CHD6: variants seen among roughly 807,000 people sequenced by gnomAD.
CHD6 encodes ATP-dependent chromatin remodeler CHD6.
Under a neutral mutation model 276.9 loss-of-function variants are expected in CHD6, and 50 were observed. The observed-to-expected ratio is 0.18, with a 90% confidence interval of 0.14 to 0.23. CHD6 has a LOEUF of 0.23. CHD6 is among the 10% of genes least tolerant of loss of function. The pLI, the probability that CHD6 is intolerant of heterozygous loss-of-function variation, is 1.00. For missense variants in CHD6, 2,564 were observed against 3,365.8 expected (o/e 0.76, Z 5.89); for synonymous variants, 1,173 against 1,229.3 (o/e 0.95, Z 0.96).
At chr20:41,454,602 G>C (rs1299709567) in intron 20 of CHD6, 24 bp downstream of exon 20, 3 of 1,534,232 alleles carry the variant, frequency 2.0e-6, no homozygotes, top group Non-Finnish European at 2.7e-6. Context: ...ATGTTCCATG[G>C]AATAAAATAT....
chr20:41,615,267 T>C (rs1347977952), intron 1 of CHD6, among the ~76,000 whole-genome samples: 6 of 151,478 alleles, frequency 4.0e-5, no homozygotes, highest in Admixed American at 1.3e-4. Flanking sequence ...CCCCAGTATC[T>C]GGCTGAGTAC....
At chr20:41,522,810 C>G (rs2044436489) in intron 3 of CHD6, among the ~76,000 whole-genome samples, 1 of 152,138 alleles carries the variant, frequency 6.6e-6, no homozygotes, top group Non-Finnish European at 1.5e-5. Flanking sequence ...TTCTGACAAC[C>G]AATACTGATT....
intron 23 of CHD6, among the ~76,000 whole-genome samples, chr20:41,450,732 A>G (rs1388622055): frequency 1.3e-5 from 2 of 152,220 alleles, no homozygotes; most frequent in Non-Finnish European, 2.9e-5. Context: ...CAGAGGGGCC[A>G]GGTTCTGCGG....
chr20:41,407,709 A>G (rs2046719950), intron 36 of CHD6, among the ~76,000 whole-genome samples: 5 of 152,180 alleles, frequency 3.3e-5, no homozygotes, highest in Admixed American at 3.3e-4. Context: ...GTGGGCCCCA[A>G]ATGAGCAGCA....
intron 27 of CHD6, among the ~76,000 whole-genome samples, chr20:41,431,279 A>G (rs749387728): frequency 1.3e-5 from 2 of 152,188 alleles, no homozygotes; most frequent in Non-Finnish European, 1.5e-5. Context: ...ATTATTATCT[A>G]TTTTAAGAAA....
intron 1 of CHD6, among the ~76,000 whole-genome samples, chr20:41,587,738 T>C (rs73613217): frequency 6.6e-6 from 1 of 152,036 alleles, no homozygotes; most frequent in Non-Finnish European, 1.5e-5. Context: ...CAGTGACACA[T>C]CTAACTGACC....
rs1458303795 is a variant in CHD6 at position 41,420,897 on chromosome 20, T to C, written c.5738A>G (p.Lys1913Arg). The C allele has an allele frequency of 4.3e-6, 7 of 1,614,218 alleles. No individual in the cohort carries two copies. The highest frequency in any genetic ancestry group is 5.9e-6 in the Non-Finnish European group (7 of 1,180,044). Residue 1913 changes from lysine (K) to arginine (R), a missense_variant, in exon 31 of 37, where the codon AAG becomes AGG. Physicochemically the swap from Lys to Arg is conservative, Grantham distance 26 (BLOSUM62 2). This residue lies in a region of CHD6 where 1,024 missense variants were observed against 1,047.9 expected (regional missense o/e 0.98). Coordinates refer to ENST00000373233, the MANE Select transcript of CHD6 (RefSeq NM_032221.5). ...GTTTGCCACCTCTAAGCTTCCTTTC[T>C]TGGTTTCATCTTGGAAGCCTTGGTT... The part of the protein sequence containing the change: ...EKNQGFQDET[K>R]KGSLEVANQT...
chr20:41,472,309 A>G (rs1349628814), intron 17 of CHD6, among the ~76,000 whole-genome samples: 1 of 152,006 alleles, frequency 6.6e-6, no homozygotes, highest in Non-Finnish European at 1.5e-5. Context: ...GTAGAGAAGA[A>G]GCCCAGACAC....
chr20:41,464,318 A>C (rs1456894851), intron 17 of CHD6, among the ~76,000 whole-genome samples: 1 of 152,192 alleles, frequency 6.6e-6, no homozygotes, highest in Non-Finnish European at 1.5e-5. Context: ...AACTAAACTA[A>C]GCAACTTTGG....
At chr20:41,460,732 T>A (rs1311513645) in intron 17 of CHD6, among the ~76,000 whole-genome samples, 1 of 152,210 alleles carries the variant, frequency 6.6e-6, no homozygotes, top group Non-Finnish European at 1.5e-5. Flanking sequence ...GGGGTCCTCA[T>A]GGAGAACCTC....
rs2048228557 is a variant in CHD6, at chr20:41,451,162, G to A, written c.3524-57C>T. Reference sequence around the variant, plus strand: ...ATAGCCAAGGGGGGTGTTACACACGGGTTTTAGAAGAGCTGGGCTGGGGTT... The same window carrying A: ...ATAGCCAAGGGGGGTGTTACACACGAGTTTTAGAAGAGCTGGGCTGGGGTT... On this transcript the variant is annotated intron_variant, in intron 22 of 36. Coordinates refer to ENST00000373233, the MANE Select transcript of CHD6 (RefSeq NM_032221.5). The A allele has an allele frequency of 6.7e-6, 10 of 1,485,290 alleles. No homozygotes were observed. In the South Asian group the frequency reaches 1.2e-4, roughly 18 times the overall value. 92.0% of individuals were successfully genotyped at this position (1,485,290 alleles called of 1,614,324 possible). A position where few individuals can be genotyped will look rare whatever the true frequency, so the allele number is the denominator to read the frequency against.
chr20:41,418,966 A>G (rs144101938), intron 31 of CHD6, among the ~76,000 whole-genome samples: 138 of 152,278 alleles, frequency 9.1e-4, no homozygotes, highest in African/African-American at 3.2e-3. Flanking sequence ...ACTTATCTTT[A>G]CCTTGTACTC....
chr20:41,416,771 T>C lies in CHD6; in HGVS notation c.6303A>G (p.Leu2101=). ...TTAACACCACGTGGCAGATATTATC[T>C]AGGCGGTTAATTATCACGCGGTCCT... ...WPKDRVIINR[L]DNICHVVLKG... Residue 2101 remains leucine, a synonymous_variant, in exon 33 of 37, where the codon CTA becomes CTG. Coordinates refer to ENST00000373233, the MANE Select transcript of CHD6 (RefSeq NM_032221.5). 1 of 1,596,192 alleles carries C rather than the reference T, an allele frequency of 6.3e-7. No individual in the cohort carries two copies. The highest frequency in any genetic ancestry group is 8.6e-7 in the Non-Finnish European group (1 of 1,168,962).
At chr20:41,478,559 G>C (rs2043218397) in intron 16 of CHD6, among the ~76,000 whole-genome samples, 1 of 152,158 alleles carries the variant, frequency 6.6e-6, no homozygotes, top group Non-Finnish European at 1.5e-5. Flanking sequence ...GGGCAACTAA[G>C]ACTGCCAGAG....
chr20:41,567,659 A>T (rs572972327), intron 1 of CHD6, among the ~76,000 whole-genome samples: 26 of 151,864 alleles, frequency 1.7e-4, no homozygotes, highest in African/African-American at 6.3e-4. Flanking sequence ...AAAACACAGG[A>T]AGAGAGAAGT....
rs746253120 is a variant in CHD6, at chr20:41,405,382, A to C, written c.7359T>G (p.Ala2453=). The part of the protein sequence containing the change: ...GRRPRSELLK[A]PSIVADSPSG... ...AGGGAGAGTCTGCCACAATGGAAGG[A>C]GCCTTCAGGAGTTCGCTCCGAGGCC... is the stretch of plus-strand genomic sequence containing the variant. Residue 2453 remains alanine, a synonymous_variant, in exon 37 of 37, where the codon GCT becomes GCG. Coordinates refer to ENST00000373233, the MANE Select transcript of CHD6 (RefSeq NM_032221.5). 1 of 1,614,028 alleles carries C rather than the reference A, an allele frequency of 6.2e-7. No individual in the cohort carries two copies. Among genetic ancestry groups the C allele is most frequent in the African/African-American group, 1.3e-5 (1 of 74,942 alleles).
chr20:41,617,716 T>C (rs529036113), intron 1 of CHD6, among the ~76,000 whole-genome samples: 1 of 151,500 alleles, frequency 6.6e-6, no homozygotes, highest in South Asian at 2.1e-4. Context: ...TCGGGGCGAG[T>C]GCGCGCTAGT....
intron 2 of CHD6, among the ~76,000 whole-genome samples, chr20:41,546,094 G>C (rs2045034999): frequency 6.6e-6 from 1 of 152,034 alleles, no homozygotes; most frequent in Non-Finnish European, 1.5e-5. Flanking sequence ...TACTGAACCT[G>C]ACCCCAAGTA....
Position 41,420,702 on chromosome 20 carries a change from T to C in CHD6, c.5933A>G (p.Glu1978Gly). Residue 1978 changes from glutamate (E) to glycine (G), a missense_variant, in exon 31 of 37, where the codon GAG becomes GGG. Physicochemically the swap from Glu to Gly is moderately conservative, Grantham distance 98. This residue lies in a region of CHD6 where 1,024 missense variants were observed against 1,047.9 expected (regional missense o/e 0.98). Coordinates refer to ENST00000373233, the MANE Select transcript of CHD6 (RefSeq NM_032221.5). ...TGATGGAATAGCAGTGGGTTCACCCTCCATGGCGATAGTATTGGTTTTACT... is the reference window on the plus strand; with the variant it reads ...TGATGGAATAGCAGTGGGTTCACCCCCCATGGCGATAGTATTGGTTTTACT... Reference protein sequence around the residue: ...FKSKTNTIAMEGEPTAIPSQP... With the variant: ...FKSKTNTIAMGGEPTAIPSQP... The C allele has an allele frequency of 6.2e-7, 1 of 1,614,234 alleles. No individual in the cohort carries two copies.
Sources: gnomAD v4.1 joint callset for allele counts (sites outside exome capture counted in the v4.1 genomes callset) on GRCh38, gnomAD v4.1.1 for gene constraint, gnomAD v4.1.1 regional missense constraint, MANE v1.5 for transcripts, NCBI Gene and HGNC (gene_info 2026-07-23, HGNC 2026-07-21) for gene names.